Variants in HS3ST4 observed in about 807,000 individuals in gnomAD.
HS3ST4 encodes the protein heparan sulfate glucosamine 3-O-sulfotransferase 4.
In HS3ST4, 17 loss-of-function variants were observed where a neutral mutation model predicts 29.2. That is an observed-to-expected ratio of 0.58 (90% CI 0.40 to 0.87). The LOEUF (loss-of-function observed/expected upper bound fraction) is 0.87, where lower values mean the gene tolerates loss of function less well. Ranked by LOEUF, HS3ST4 falls within the 40% of genes least tolerant of loss-of-function variation. HS3ST4 has a pLI of 0.00. For missense variants in HS3ST4, 627 were observed against 634.5 expected, an observed-to-expected ratio of 0.99 and a Z score of 0.13; for synonymous variants, 314 against 285.7, an observed-to-expected ratio of 1.10 and a Z score of -1.00.
intron 1 of HS3ST4, among the ~76,000 whole-genome samples, chr16:25,828,313 T>TTTCTTCCTTTCC (rs1206232969): frequency 2.5e-5 from 3 of 120,780 alleles, no homozygotes; most frequent in Admixed American, 8.4e-5. Context: ...TCTCTCTCTC[T>TTTCTTCCTTTCC]CTCTCTCTCT....
chr16:25,751,081 TTGA>T (rs1282095240), intron 1 of HS3ST4, among the ~76,000 whole-genome samples: 2 of 152,070 alleles, frequency 1.3e-5, no homozygotes, highest in Non-Finnish European at 2.9e-5. Context: ...ACGTAAAGAA[TTGA>T]TGAGGAATGC....
At chr16:26,093,379 C>T (rs1215369182) in intron 1 of HS3ST4, among the ~76,000 whole-genome samples, 2 of 152,108 alleles carry the variant, frequency 1.3e-5, no homozygotes, top group African/African-American at 2.4e-5. Context: ...TCCTCTGGGA[C>T]AAAGCTTCCA....
At chr16:25,924,297 A>G (rs1317038792) in intron 1 of HS3ST4, among the ~76,000 whole-genome samples, 1 of 152,198 alleles carries the variant, frequency 6.6e-6, no homozygotes, top group Non-Finnish European at 1.5e-5. Context: ...CTGAATATCT[A>G]CTGATACCAC....
At chr16:25,826,016 T>C (rs1293057172) in intron 1 of HS3ST4, 1 of 152,264 alleles carries the variant, frequency 6.6e-6, no homozygotes, top group African/African-American at 2.4e-5. Flanking sequence ...ATCATTCAGC[T>C]TGGGCACATC....
chr16:25,697,534 G>A (rs573951321), intron 1 of HS3ST4, among the ~76,000 whole-genome samples: 1 of 152,228 alleles, frequency 6.6e-6, no homozygotes, highest in East Asian at 1.9e-4. Context: ...TTTCAATGTG[G>A]CTACTAGAAA....
chr16:25,891,093 G>A (rs1319562332), intron 1 of HS3ST4, among the ~76,000 whole-genome samples: 1 of 152,190 alleles, frequency 6.6e-6, no homozygotes, highest in Non-Finnish European at 1.5e-5. Context: ...AGTGGTAATT[G>A]AGGTTGGCTG....
intron 1 of HS3ST4, among the ~76,000 whole-genome samples, chr16:25,915,164 C>T (rs981131423): frequency 2.0e-5 from 3 of 152,100 alleles, no homozygotes; most frequent in Non-Finnish European, 4.4e-5. Context: ...GACCAGTGCT[C>T]TACGACGTGC....
chr16:25,698,863 C>G (rs575417108), intron 1 of HS3ST4, among the ~76,000 whole-genome samples: 1 of 152,144 alleles, frequency 6.6e-6, no homozygotes, highest in Non-Finnish European at 1.5e-5. Context: ...TATAAATGAG[C>G]GAGGTAGACT....
intron 1 of HS3ST4, among the ~76,000 whole-genome samples, chr16:25,991,624 A>G (rs1969114250): frequency 6.6e-6 from 1 of 152,382 alleles, no homozygotes. Context: ...TGGAGCACCA[A>G]GTGGGCACTA....
At position 25,947,699 on chromosome 16, in the gene HS3ST4, G is replaced by A. The variant is rs748423985; in HGVS notation, c.735-187913G>A. On this transcript the variant is annotated intron_variant, in intron 1 of 1. Coordinates refer to ENST00000331351, the MANE Select transcript of HS3ST4 (RefSeq NM_006040.3). ...GTGGGAAGTACAGCTTTTTTGGAACGAGAGAGGAAGGATGGAAGAATTTTG... is the reference window on the plus strand; with the variant it reads ...GTGGGAAGTACAGCTTTTTTGGAACAAGAGAGGAAGGATGGAAGAATTTTG... Among the ~76,000 whole-genome samples the A allele has an allele frequency of 4.6e-5, 7 of 152,276 alleles. 1 individual carries two copies. Among genetic ancestry groups the A allele is most frequent in the South Asian group, 2.1e-4 (1 of 4,830 alleles).
At chr16:25,854,021 A>G (rs559275184) in intron 1 of HS3ST4, among the ~76,000 whole-genome samples, 1 of 152,130 alleles carries the variant, frequency 6.6e-6, no homozygotes, top group East Asian at 1.9e-4. Context: ...TGATCTCCCT[A>G]TTTGATATTG....
chr16:26,036,398 A>G lies in HS3ST4; in HGVS notation c.735-99214A>G, dbSNP rs1337818574. 3.9e-5 allele frequency among the ~76,000 whole-genome samples: 6 copies of G among 152,326 alleles called. No individual in the cohort carries two copies. In the East Asian group the frequency reaches 9.7e-4, roughly 25 times the overall value. ...CCTTCTAGAACTGAACTAGGGTTAG[A>G]CGTGACCCTGCCCAATCTGTATTTC... On this transcript the variant is annotated intron_variant, in intron 1 of 1. Coordinates refer to ENST00000331351, the MANE Select transcript of HS3ST4 (RefSeq NM_006040.3).
intron 1 of HS3ST4, among the ~76,000 whole-genome samples, chr16:25,777,591 A>G (rs1966848771): frequency 1.3e-5 from 2 of 152,138 alleles, no homozygotes; most frequent in Non-Finnish European, 2.9e-5. Flanking sequence ...CAACATGGCG[A>G]AAAACATCTC....
intron 1 of HS3ST4, among the ~76,000 whole-genome samples, chr16:25,759,730 G>C (rs1044367606): frequency 6.6e-6 from 1 of 152,056 alleles, no homozygotes; most frequent in Non-Finnish European, 1.5e-5. Context: ...TTTGAGACCA[G>C]ACTATGCAAC....
chr16:26,104,862 G>C (rs1027490561), intron 1 of HS3ST4, among the ~76,000 whole-genome samples: 1 of 151,838 alleles, frequency 6.6e-6, no homozygotes, highest in Non-Finnish European at 1.5e-5. Context: ...GACTGGAGCA[G>C]TCCTTGGTTC....
chr16:25,781,539 T>C (rs1235511844), intron 1 of HS3ST4, among the ~76,000 whole-genome samples: 1 of 152,150 alleles, frequency 6.6e-6, no homozygotes, highest in African/African-American at 2.4e-5. Flanking sequence ...ATCTAGACCA[T>C]GGACACATGA....
At chr16:25,869,541 G>A (rs1172544372) in intron 1 of HS3ST4, among the ~76,000 whole-genome samples, 1 of 152,116 alleles carries the variant, frequency 6.6e-6, no homozygotes, top group Non-Finnish European at 1.5e-5. Context: ...GTGCAGGGAG[G>A]GATCAGGAGT....
In HS3ST4 at chr16:25,949,170, G is replaced by A. The variant is rs74013108; in HGVS notation, c.735-186442G>A. Among the ~76,000 whole-genome samples the A allele has an allele frequency of 2.4e-3, 360 of 152,098 alleles. 2 individuals carry two copies. The highest frequency in any genetic ancestry group is 6.2e-3 in the African/African-American group (259 of 41,486). On this transcript the variant is annotated intron_variant, in intron 1 of 1. Coordinates refer to ENST00000331351, the MANE Select transcript of HS3ST4 (RefSeq NM_006040.3). ...GTGTTTATTACACATCGTGGAGAAT[G>A]GGGTATCCAACCCCTCAAGCATTTA... is the stretch of plus-strand genomic sequence containing the variant.
At chr16:25,829,211 ACT>A (rs1967269311) in intron 1 of HS3ST4, among the ~76,000 whole-genome samples, 1 of 152,208 alleles carries the variant, frequency 6.6e-6, no homozygotes, top group African/African-American at 2.4e-5. Flanking sequence ...CTTCATGGAG[ACT>A]TGCCTAGAAT....
Sources: allele counts gnomAD v4.1 joint callset (sites outside exome capture counted in the v4.1 genomes callset), GRCh38; gene constraint gnomAD v4.1.1; transcripts MANE v1.5; gene names NCBI Gene and HGNC (gene_info 2026-07-23, HGNC 2026-07-21).